Variants in TBC1D2 observed in about 807,000 individuals in gnomAD.
The protein encoded by TBC1D2 is TBC1 domain family member 2A.
In TBC1D2, 58 loss-of-function variants were observed where a neutral mutation model predicts 91.1. That is an observed-to-expected ratio of 0.64 (90% CI 0.52 to 0.79). The LOEUF is 0.79. TBC1D2 is among the 30% of genes least tolerant of loss of function. The pLI is 0.00. For missense variants in TBC1D2, 1,080 were observed against 1,208.3 expected (o/e 0.89, Z 1.57); for synonymous variants, 482 against 511.5 (o/e 0.94, Z 0.78).
At chr9:98,210,087 A>T (rs1182909620) in intron 8 of TBC1D2, among the ~76,000 whole-genome samples, 6 of 151,730 alleles carry the variant, frequency 4.0e-5, no homozygotes, top group Non-Finnish European at 7.4e-5. Context: ...CAGCCTCCCA[A>T]AGTGCTGGAA....
intron 6 of TBC1D2, among the ~76,000 whole-genome samples, chr9:98,214,006 T>C (rs916164089): frequency 1.6e-4 from 24 of 152,232 alleles, no homozygotes; most frequent in African/African-American, 5.8e-4. Context: ...GGATCAGCTA[T>C]AGCAGTGGCT....
chr9:98,210,480 G>A (rs1226429832), intron 8 of TBC1D2, among the ~76,000 whole-genome samples, 176 bp downstream of exon 8: 1 of 152,220 alleles, frequency 6.6e-6, no homozygotes, highest in Non-Finnish European at 1.5e-5. Context: ...ATGGCAGGGG[G>A]CTGCCTCCTC....
At chr9:98,212,454 G>A (rs1303554337) in intron 7 of TBC1D2, among the ~76,000 whole-genome samples, 2 of 151,428 alleles carry the variant, frequency 1.3e-5, no homozygotes, top group African/African-American at 4.9e-5. Flanking sequence ...AGCCCTCCCT[G>A]ACTTTCCTTC....
At chr9:98,203,051 T>C (rs1283842523) in intron 10 of TBC1D2, among the ~76,000 whole-genome samples, 1 of 152,270 alleles carries the variant, frequency 6.6e-6, no homozygotes, top group East Asian at 1.9e-4. Context: ...AGCAGGGAGC[T>C]AGGAGCCTGA....
Position 98,208,837 on chromosome 9 carries a change from C to A in TBC1D2, c.1981G>T (p.Ala661Ser). Residue 661 changes from alanine (A) to serine (S), a missense_variant, in exon 9 of 13, where the codon GCC (alanine) becomes TCC (serine). Physicochemically the swap from Ala to Ser is moderately conservative, Grantham distance 99. Coordinates refer to ENST00000465784, the MANE Select transcript of TBC1D2 (RefSeq NM_001267571.2). ...CYQELLSRGQ[A>S]REHPAARQIE... ...TGGCGGGCAGCAGGGTGCTCGCGGG[C>A]CTGGCCCCGGCTCAGCAGTTCCTGG... is the stretch of plus-strand genomic sequence containing the variant. The A allele has an allele frequency of 1.2e-6, 2 of 1,609,028 alleles. No individual in the cohort carries two copies. Among genetic ancestry groups the A allele is most frequent in the Non-Finnish European group, 1.7e-6 (2 of 1,175,962 alleles).
intron 2 of TBC1D2, among the ~76,000 whole-genome samples, chr9:98,245,785 G>A (rs1035968865): frequency 3.9e-5 from 6 of 152,094 alleles, no homozygotes; most frequent in Non-Finnish European, 7.4e-5. Flanking sequence ...ATCAAAAATA[G>A]ATGTTTATAC....
At chr9:98,247,599 C>T (rs1370543029) in intron 2 of TBC1D2, among the ~76,000 whole-genome samples, 2 of 149,420 alleles carry the variant, frequency 1.3e-5, no homozygotes, top group Non-Finnish European at 3.0e-5. Flanking sequence ...CGTGGTGGCA[C>T]GCACCTATAG....
At chr9:98,201,410 G>A in intron 11 of TBC1D2, 69 bp downstream of exon 11, 4 of 1,421,018 alleles carry the variant, frequency 2.8e-6, no homozygotes, top group Non-Finnish European at 2.9e-6. Context: ...TCCAGGGGCA[G>A]AGTCAAGACG....
intron 4 of TBC1D2, 132 bp downstream of exon 4, chr9:98,233,284 C>A: frequency 1.6e-6 from 2 of 1,260,382 alleles, no homozygotes; most frequent in Non-Finnish European, 2.1e-6. Flanking sequence ...TATGGTGTTT[C>A]AGTAAGTAGC....
chr9:98,242,803 CTTTTTTT>C (rs36035887), intron 3 of TBC1D2, among the ~76,000 whole-genome samples: 9,642 of 83,048 alleles, frequency 0.12, 367 homozygotes, highest in Middle Eastern at 0.14. Context: ...ACACTGCTGC[CTTTTTTT>C]TTTTTTTTTT....
rs114708136 is a variant in TBC1D2 at position 98,218,246 on chromosome 9, G to A, written c.1374+2587C>T. Among the ~76,000 whole-genome samples, 309 of 152,186 alleles carry A rather than the reference G, an allele frequency of 2.0e-3. 2 individuals are homozygous for A. Among genetic ancestry groups the A allele is most frequent in the African/African-American group, 7.2e-3 (297 of 41,522 alleles). Reference sequence around the variant, plus strand: ...GGTTAATGTGAATCACATACCCAGAGTCTCCATGTAGCTGAGCTCACTGAT... The same window carrying A: ...GGTTAATGTGAATCACATACCCAGAATCTCCATGTAGCTGAGCTCACTGAT... On this transcript the variant is annotated intron_variant, in intron 6 of 12. Transcript: ENST00000465784.
chr9:98,201,700 C>T, intron 10 of TBC1D2, 36 bp from the exon 11 acceptor site: 1 of 1,586,248 alleles, frequency 6.3e-7, no homozygotes, highest in Non-Finnish European at 8.6e-7. Context: ...ATCTGCAGCC[C>T]CAGCGTAGGG....
At chr9:98,245,404 A>G (rs1446320523) in intron 2 of TBC1D2, among the ~76,000 whole-genome samples, 2 of 151,800 alleles carry the variant, frequency 1.3e-5, no homozygotes, top group Non-Finnish European at 2.9e-5. Flanking sequence ...CCATCTCTAC[A>G]AAAAACAGAA....
At chr9:98,254,622 G>T (rs1180299169) in intron 1 of TBC1D2, among the ~76,000 whole-genome samples, 1 of 152,164 alleles carries the variant, frequency 6.6e-6, no homozygotes, top group Non-Finnish European at 1.5e-5. Flanking sequence ...AGGAAAACAG[G>T]TTTAAGCATG....
chr9:98,233,975 T>C (rs1324101412), intron 3 of TBC1D2, among the ~76,000 whole-genome samples: 1 of 152,224 alleles, frequency 6.6e-6, no homozygotes, highest in East Asian at 1.9e-4. Context: ...GAAACCTTCA[T>C]CTGGTTTCAT....
rs770209315 is a variant in TBC1D2 at position 98,255,567 on chromosome 9, G to A, written c.-26C>T. 4.0e-6 allele frequency: 6 copies of A among 1,484,906 alleles called. No homozygotes were observed. Among genetic ancestry groups the A allele is most frequent in the Middle Eastern group, 3.8e-4 (2 of 5,288 alleles). The allele number at this position is 1,484,906 out of a possible 1,614,324, so 92.0% of individuals were successfully genotyped here. On this transcript the variant is annotated 5_prime_UTR_variant, in exon 1 of 13. Transcript: ENST00000465784. ...CGCTGCCAGCCGGAGACTGCGGAGG[G>A]ACGAGGGGTCCGCGGGACCACCAGG...
In TBC1D2 at chr9:98,233,552, G is replaced by A. The variant is rs769741620; in HGVS notation, c.648-3C>T. On this transcript the variant is annotated splice_region_variant and splice_polypyrimidine_tract_variant and intron_variant, in intron 3 of 12. Coordinates refer to ENST00000465784, the MANE Select transcript of TBC1D2 (RefSeq NM_001267571.2). ...CACGGATGTTGTGCATTGTGTTCCT[G>A]AAAGGAGACAAGAACAGAGGAGCAT... is the stretch of plus-strand genomic sequence containing the variant. 6.2e-7 allele frequency: 1 copy of A among 1,613,934 alleles called. No homozygotes were observed. The highest frequency in any genetic ancestry group is 8.5e-7 in the Non-Finnish European group (1 of 1,179,900).
chr9:98,208,417 T>C (rs55892659), intron 9 of TBC1D2, among the ~76,000 whole-genome samples: 4 of 152,280 alleles, frequency 2.6e-5, no homozygotes, highest in Non-Finnish European at 5.9e-5. Context: ...TAGATTCTCA[T>C]AAGGAACACA....
At chr9:98,250,662 G>A (rs1370508386) in intron 2 of TBC1D2, among the ~76,000 whole-genome samples, 1 of 152,200 alleles carries the variant, frequency 6.6e-6, no homozygotes, top group Non-Finnish European at 1.5e-5. Flanking sequence ...GACATGCAAA[G>A]CACCCAGGTA....
Sources: gnomAD v4.1 joint callset for allele counts (sites outside exome capture counted in the v4.1 genomes callset) on GRCh38, gnomAD v4.1.1 for gene constraint, MANE v1.5 for transcripts, NCBI Gene and HGNC (gene_info 2026-07-23, HGNC 2026-07-21) for gene names.